Variants in LIAT1 observed in about 807,000 individuals in gnomAD.
The protein encoded by LIAT1 is protein LIAT1.
the LIAT1 span, chr17:413,529 C>T: frequency 6.6e-7 from 1 of 1,514,446 alleles, no homozygotes; most frequent in Non-Finnish European, 9.0e-7. Context: ...CACCCCGACC[C>T]CGAGGCCCTC....
chr17:413,431 G>A, the LIAT1 span: 2 of 1,613,994 alleles, frequency 1.2e-6, no homozygotes, highest in Admixed American at 1.7e-5. Context: ...GGAGAAAACG[G>A]TACCGGTGCT....
the LIAT1 span, chr17:413,332 G>A: frequency 1.5e-4 from 246 of 1,614,204 alleles, no homozygotes; most frequent in Middle Eastern, 8.2e-4. Flanking sequence ...AGAACCTTGC[G>A]AATCGGATCA....
chr17:411,470 G>C, the LIAT1 span, among the ~76,000 whole-genome samples: 42 of 152,210 alleles, frequency 2.8e-4, no homozygotes, highest in Admixed American at 2.0e-3. Context: ...GGACTTCCAG[G>C]CTGCAGTGAG....
the LIAT1 span, chr17:414,131 G>C: frequency 1.9e-6 from 3 of 1,603,984 alleles, no homozygotes; most frequent in Non-Finnish European, 2.6e-6. The surrounding 1 kb of genome is among the most constrained non-coding windows in gnomAD (Gnocchi z 4.1). Context: ...TACCCACGAC[G>C]CTCACAAACT....
the LIAT1 span, among the ~76,000 whole-genome samples, chr17:411,338 A>G: frequency 6.6e-6 from 1 of 151,926 alleles, no homozygotes; most frequent in South Asian, 2.1e-4. Flanking sequence ...GACACCCTCA[A>G]CCACTCCCCC....
chr17:412,671 C>T, the LIAT1 span, among the ~76,000 whole-genome samples: 6 of 152,110 alleles, frequency 3.9e-5, no homozygotes, highest in East Asian at 1.9e-4. Flanking sequence ...TGTTGTTTTC[C>T]GTTCCTTCCA....
chr17:413,029 A>G, the LIAT1 span: 1 of 1,170,790 alleles, frequency 8.5e-7, no homozygotes, highest in African/African-American at 1.5e-5. Context: ...TGGCAGCCTG[A>G]GCCCTGGGTA....
the LIAT1 span, chr17:413,429 C>T: frequency 8.7e-6 from 14 of 1,614,084 alleles, no homozygotes; most frequent in East Asian, 4.5e-5. Flanking sequence ...TCGGAGAAAA[C>T]GGTACCGGTG....
At chr17:411,022 A>T in the LIAT1 span, among the ~76,000 whole-genome samples, 2 of 152,012 alleles carry the variant, frequency 1.3e-5, no homozygotes, top group East Asian at 3.9e-4. Flanking sequence ...CCCCAAACAC[A>T]TTGATGCCAC....
the LIAT1 span, chr17:410,624 C>T: frequency 2.7e-5 from 42 of 1,542,398 alleles, no homozygotes; most frequent in Middle Eastern, 8.3e-4. Context: ...AGAAGAAGAC[C>T]AAGGGGTCTG....
the LIAT1 span, chr17:413,703 T>C: frequency 3.0e-3 from 2,279 of 769,158 alleles, 61 homozygotes; most frequent in South Asian, 0.013. Context: ...GGTTTCCACA[T>C]TGACCCCGAG....
chr17:414,072 C>G, the LIAT1 span: 19 of 1,614,096 alleles, frequency 1.2e-5, no homozygotes, highest in Non-Finnish European at 1.6e-5. This position sits in a 1 kb window ranked among gnomAD's most constrained non-coding sequence, Gnocchi z 4.1. Flanking sequence ...AACCTTACCC[C>G]AAAGCTTCTA....
At chr17:410,819 C>T in the LIAT1 span, among the ~76,000 whole-genome samples, 4 of 152,150 alleles carry the variant, frequency 2.6e-5, no homozygotes, top group African/African-American at 9.7e-5. Context: ...CAGCCCCACC[C>T]GTGGAGACCA....
chr17:413,126 A>G, the LIAT1 span: 3 of 1,610,568 alleles, frequency 1.9e-6, no homozygotes, highest in Non-Finnish European at 2.5e-6. Context: ...CACAAACACT[A>G]ACCTGCTCAT....
the LIAT1 span, among the ~76,000 whole-genome samples, chr17:412,694 T>C: frequency 6.6e-6 from 1 of 152,184 alleles, no homozygotes; most frequent in Admixed American, 6.5e-5. Flanking sequence ...ATAAAGTGTC[T>C]AGACTAGGGT....
the LIAT1 span, chr17:414,013 C>T: frequency 1.2e-6 from 2 of 1,614,266 alleles, no homozygotes; most frequent in African/African-American, 1.3e-5. This position sits in a 1 kb window ranked among gnomAD's most constrained non-coding sequence, Gnocchi z 4.1. Context: ...GCTCCAGCCA[C>T]AGGCAGCCCA....
the LIAT1 span, chr17:414,189 A>G: frequency 6.6e-7 from 1 of 1,511,944 alleles, no homozygotes; most frequent in Non-Finnish European, 8.9e-7. This position sits in a 1 kb window ranked among gnomAD's most constrained non-coding sequence, Gnocchi z 4.1. Flanking sequence ...CCATCATCAT[A>G]AAAGGAAATG....
At chr17:413,938 C>T in the LIAT1 span, 3 of 1,614,056 alleles carry the variant, frequency 1.9e-6, no homozygotes, top group African/African-American at 4.0e-5. Context: ...TCAAGGGCTT[C>T]CACACTGACC....
the LIAT1 span, chr17:410,699 T>C: frequency 6.7e-7 from 1 of 1,484,324 alleles, no homozygotes; most frequent in South Asian, 1.2e-5. Context: ...TGGAGACTCT[T>C]TGGGGACCCA....
Sources: gnomAD v4.1 joint callset for allele counts (sites outside exome capture counted in the v4.1 genomes callset) on GRCh38, gnomAD v4.1.1 for gene constraint, Gnocchi (gnomAD v3.1) non-coding constraint, MANE v1.5 for transcripts, NCBI Gene and HGNC (gene_info 2026-07-23, HGNC 2026-07-21) for gene names.